Variants in CDH12 observed in about 807,000 individuals in gnomAD.
CDH12 encodes cadherin-12.
CDH12 carries 41 observed loss-of-function variants against 74.1 expected under a neutral mutation model. That is an observed-to-expected ratio of 0.55 (90% confidence interval 0.43 to 0.72). CDH12 has a LOEUF of 0.72. Among genes scored for constraint, CDH12 ranks in the 30% least tolerant of loss-of-function variants. The pLI is 0.00. For missense variants in CDH12, 945 were observed against 977.2 expected, an observed-to-expected ratio of 0.97 and a Z score of 0.44; for synonymous variants, 399 against 355.0, an observed-to-expected ratio of 1.12 and a Z score of -1.39.
chr5:22,803,790 A>G (rs1384093603), intron 1 of CDH12, among the ~76,000 whole-genome samples: 2 of 152,178 alleles, frequency 1.3e-5, no homozygotes, highest in Admixed American at 1.3e-4. Context: ...GTAAGTGATG[A>G]GCGTTTTCAA....
At chr5:22,688,947 G>T (rs1335301838) in intron 1 of CDH12, among the ~76,000 whole-genome samples, 1 of 152,038 alleles carries the variant, frequency 6.6e-6, no homozygotes, top group African/African-American at 2.4e-5. Context: ...TTTTGAGCAG[G>T]CGTTAAATGA....
chr5:22,653,712 C>T (rs957629926), intron 1 of CDH12, among the ~76,000 whole-genome samples: 2 of 152,172 alleles, frequency 1.3e-5, no homozygotes, highest in African/African-American at 4.8e-5. Flanking sequence ...TTGTCAGAAG[C>T]CTGCTTCTAA....
chr5:21,838,472 A>G (rs1197633174), intron 8 of CDH12, among the ~76,000 whole-genome samples: 1 of 152,144 alleles, frequency 6.6e-6, no homozygotes, highest in Admixed American at 6.5e-5. Flanking sequence ...AGACAGGAGA[A>G]TTGCTGGAAC....
intron 1 of CDH12, among the ~76,000 whole-genome samples, chr5:22,510,502 T>C (rs1018494542): frequency 1.3e-5 from 2 of 152,170 alleles, no homozygotes; most frequent in African/African-American, 4.8e-5. Flanking sequence ...AAACCCACCA[T>C]GCAGATGCAC....
chr5:21,967,734 T>C (rs559655388), intron 6 of CDH12, among the ~76,000 whole-genome samples: 169 of 152,274 alleles, frequency 1.1e-3, no homozygotes, highest in Non-Finnish European at 1.9e-3. Context: ...CCTTTGCAAT[T>C]GCACCACTAA....
chr5:22,348,700 C>T (rs569012280), intron 3 of CDH12, among the ~76,000 whole-genome samples: 1 of 152,226 alleles, frequency 6.6e-6, no homozygotes, highest in African/African-American at 2.4e-5. Flanking sequence ...TAAACTGGTA[C>T]TAATGGTATC....
At chr5:21,803,853 A>C (rs1747275642) in intron 9 of CDH12, among the ~76,000 whole-genome samples, 1 of 152,144 alleles carries the variant, frequency 6.6e-6, no homozygotes. Flanking sequence ...TCTCCTTCTA[A>C]GATATGATTG....
At chr5:21,970,406 C>T (rs528472516) in intron 6 of CDH12, among the ~76,000 whole-genome samples, 84 of 152,074 alleles carry the variant, frequency 5.5e-4, no homozygotes, top group Non-Finnish European at 1.0e-3. Context: ...TTCGATTTGT[C>T]TCTCTATGGC....
At chr5:22,240,681 C>T (rs553726627) in intron 3 of CDH12, among the ~76,000 whole-genome samples, 2 of 131,704 alleles carry the variant, frequency 1.5e-5, no homozygotes, top group African/African-American at 2.5e-5. Flanking sequence ...TTACAGGCGC[C>T]TGCCACCATG....
At chr5:22,417,083 T>C (rs1270612127) in intron 2 of CDH12, among the ~76,000 whole-genome samples, 1 of 152,224 alleles carries the variant, frequency 6.6e-6, no homozygotes, top group African/African-American at 2.4e-5. Flanking sequence ...TCTCTCTTAT[T>C]TACCAATTAG....
chr5:22,543,571 C>T (rs961736629), intron 1 of CDH12, among the ~76,000 whole-genome samples: 2 of 151,986 alleles, frequency 1.3e-5, no homozygotes, highest in African/African-American at 4.8e-5. Context: ...TACAACTGTA[C>T]CCAAGAAGTA....
At chr5:22,758,193 A>G (rs1367731451) in intron 1 of CDH12, among the ~76,000 whole-genome samples, 2 of 152,218 alleles carry the variant, frequency 1.3e-5, no homozygotes, top group Non-Finnish European at 2.9e-5. Flanking sequence ...AGAAAAGTGG[A>G]ACATTCATTT....
chr5:22,377,053 C>T (rs528990602), intron 3 of CDH12, among the ~76,000 whole-genome samples: 1 of 152,190 alleles, frequency 6.6e-6, no homozygotes, highest in Non-Finnish European at 1.5e-5. Flanking sequence ...TCTCAAGGTA[C>T]AACTTCCTAA....
chr5:22,662,868 A>T (rs1217433855), intron 1 of CDH12, among the ~76,000 whole-genome samples: 1 of 152,018 alleles, frequency 6.6e-6, no homozygotes. Context: ...TCAGCCAGTC[A>T]CTCCTCCCCA....
intron 5 of CDH12, among the ~76,000 whole-genome samples, chr5:22,005,007 A>C (rs2150147259): frequency 6.6e-6 from 1 of 151,906 alleles, no homozygotes; most frequent in South Asian, 2.1e-4. Context: ...TATGTACCAT[A>C]TTTTCTTTTT....
At chr5:22,470,198 C>T (rs1233264719) in intron 2 of CDH12, among the ~76,000 whole-genome samples, 1 of 152,006 alleles carries the variant, frequency 6.6e-6, no homozygotes, top group Non-Finnish European at 1.5e-5. Flanking sequence ...TAAAAGGATT[C>T]TTACTTTATA....
chr5:22,156,223 G>C (rs1487554833), intron 4 of CDH12, among the ~76,000 whole-genome samples: 1 of 152,048 alleles, frequency 6.6e-6, no homozygotes, highest in Non-Finnish European at 1.5e-5. Context: ...ACCTTCTTCT[G>C]TCTGTAGACA....
At chr5:22,314,118 C>A (rs1175801951) in intron 3 of CDH12, among the ~76,000 whole-genome samples, 1 of 152,082 alleles carries the variant, frequency 6.6e-6, no homozygotes, top group Non-Finnish European at 1.5e-5. Context: ...CCATTTGGGG[C>A]ATATGGAGCT....
At chr5:22,624,630 G>A (rs941089349) in intron 1 of CDH12, among the ~76,000 whole-genome samples, 1 of 152,196 alleles carries the variant, frequency 6.6e-6, no homozygotes, top group Non-Finnish European at 1.5e-5. Flanking sequence ...ACACCAGTTA[G>A]AATGGCGATC....
Sources: allele counts gnomAD v4.1 joint callset (sites outside exome capture counted in the v4.1 genomes callset), GRCh38; gene constraint gnomAD v4.1.1; transcripts MANE v1.5; gene names NCBI Gene and HGNC (gene_info 2026-07-23, HGNC 2026-07-21).